The following GCH1 variants were observed in gnomAD, a reference collection of about 807,000 sequenced individuals.
The protein encoded by GCH1 is GTP cyclohydrolase 1.
GCH1 carries 5 observed loss-of-function variants against 25.9 expected under a neutral mutation model. The ratio of observed to expected loss-of-function variants is 0.19; its 90% CI spans 0.10 to 0.41. GCH1 has a LOEUF of 0.41. Among genes scored for constraint, GCH1 ranks in the 10% least tolerant of loss-of-function variants. The pLI is 1.00. For missense variants in GCH1, 261 were observed against 336.5 expected, an observed-to-expected ratio of 0.78 and a Z score of 1.75; for synonymous variants, 159 against 129.6, an observed-to-expected ratio of 1.23 and a Z score of -1.54.
intron 1 of GCH1, chr14:54,885,337 T>C: frequency 4.0e-6 from 1 of 253,072 alleles, no homozygotes; most frequent in Non-Finnish European, 8.2e-6. Context: ...CCAGTCAAGA[T>C]CCACATTGCT....
chr14:54,895,862 G>C (rs1412949852), intron 1 of GCH1, among the ~76,000 whole-genome samples: 1 of 152,206 alleles, frequency 6.6e-6, no homozygotes, highest in African/African-American at 2.4e-5. Flanking sequence ...GTAGGGAATA[G>C]TACTAGGAAA....
rs528279134 is a variant in GCH1, at chr14:54,902,050, G to C, written c.343+271C>G. On this transcript the variant is annotated intron_variant, in intron 1 of 5. Transcript: ENST00000491895. ...GTCCACGCCCACCCGGGGCGTTCTAGGAGGGCTGCGCGCTGGGAGCGGGAA... is the reference window on the plus strand; with the variant it reads ...GTCCACGCCCACCCGGGGCGTTCTACGAGGGCTGCGCGCTGGGAGCGGGAA... Among the ~76,000 whole-genome samples, 4 of 152,266 alleles carry C rather than the reference G, an allele frequency of 2.6e-5. No homozygotes were observed. In the South Asian group the frequency reaches 8.3e-4, roughly 32 times the overall value.
chr14:54,902,310 G>A lies in GCH1; in HGVS notation c.343+11C>T, dbSNP rs954395660. The stretch of plus-strand genomic sequence containing the variant: ...CGCCCGCACGCTCTAGCAGCCCGCG[G>A]GCGCACTGACCTGAGATGGTCTCCT... On this transcript the variant is annotated intron_variant, in intron 1 of 5. Coordinates refer to ENST00000491895, the MANE Select transcript of GCH1 (RefSeq NM_000161.3). 1.2e-6 allele frequency: 2 copies of A among 1,611,504 alleles called. No individual in the cohort carries two copies. Among genetic ancestry groups the A allele is most frequent in the Admixed American group, 1.7e-5 (1 of 59,936 alleles).
intron 1 of GCH1, among the ~76,000 whole-genome samples, chr14:54,889,130 T>A (rs969413662): frequency 6.6e-6 from 1 of 152,170 alleles, no homozygotes; most frequent in Non-Finnish European, 1.5e-5. Context: ...AAGGGCAGAT[T>A]CTTTTTGATA....
chr14:54,902,197 G>A (rs1386221946), intron 1 of GCH1, 124 bp downstream of exon 1: 2 of 1,088,790 alleles, frequency 1.8e-6, no homozygotes, highest in Non-Finnish European at 2.7e-6. Flanking sequence ...GTTCGGAGGT[G>A]ACAGCGCCCG....
intron 3 of GCH1, among the ~76,000 whole-genome samples, chr14:54,851,979 G>C (rs1044970714): frequency 6.6e-6 from 1 of 152,176 alleles, no homozygotes; most frequent in Non-Finnish European, 1.5e-5. Flanking sequence ...TAGTAGAGAT[G>C]GTGTTTCACC....
In GCH1 at chr14:54,845,836, T is replaced by C. The variant is rs780672426; in HGVS notation, c.558A>G (p.Thr186=). ...CCGTGATTGCTACAGCAATTTGTTT[T>C]GTAAGGCGCTCCTGAACTGTGGATG... ...SRRLQVQERL[T]KQIAVAITEA... The change falls in exon 5 of 6, where the codon ACA becomes ACG. Residue 186 remains threonine (T), a synonymous_variant. Transcript: ENST00000491895. 2 of 1,604,314 alleles carry C rather than the reference T, an allele frequency of 1.2e-6. No homozygotes were observed. Among genetic ancestry groups the C allele is most frequent in the Non-Finnish European group, 1.7e-6 (2 of 1,171,134 alleles).
chr14:54,860,490 T>C (rs2039879511), intron 2 of GCH1, among the ~76,000 whole-genome samples: 1 of 151,848 alleles, frequency 6.6e-6, no homozygotes, highest in Admixed American at 6.6e-5. Context: ...CACACCCTTT[T>C]GTGCTTGGCT....
In GCH1 at chr14:54,880,376, TATATA is replaced by T. The variant is rs1034666938; in HGVS notation, c.344-14945_344-14941del. Among the ~76,000 whole-genome samples, 296 of 143,140 alleles carry T rather than the reference TATATA, an allele frequency of 2.1e-3. 1 individual carries two copies. The highest frequency in any genetic ancestry group is 7.6e-3 in the Middle Eastern group (2 of 264). 93.9% of individuals were successfully genotyped at this position (143,140 alleles called of 152,430 possible). A position where few individuals can be genotyped will look rare whatever the true frequency, so the allele number is the denominator to read the frequency against. ...AATATATTATAAAATATATATTTTATATATAATATAATATATATTATATAATACAT... is the reference window on the plus strand; with the variant it reads ...AATATATTATAAAATATATATTTTATATATAATATATATTATATAATACAT... On this transcript the variant is annotated intron_variant, in intron 1 of 5. Coordinates refer to ENST00000491895, the MANE Select transcript of GCH1 (RefSeq NM_000161.3).
intron 3 of GCH1, among the ~76,000 whole-genome samples, chr14:54,853,798 AAATT>A (rs1365868562): frequency 6.6e-6 from 1 of 152,134 alleles, no homozygotes; most frequent in East Asian, 1.9e-4. Flanking sequence ...CAGCTTCATC[AAATT>A]AATTGACACT....
At chr14:54,848,413 G>T (rs1454770699) in intron 3 of GCH1, among the ~76,000 whole-genome samples, 2 of 152,168 alleles carry the variant, frequency 1.3e-5, no homozygotes, top group Non-Finnish European at 2.9e-5. Context: ...AGGATTACAG[G>T]CGTGAGCCCC....
Position 54,842,897 on chromosome 14 carries a change from G to T in GCH1, c.*1120C>A. The T allele has an allele frequency of 1.7e-6, 1 of 589,630 alleles. No individual in the cohort carries two copies. The highest frequency in any genetic ancestry group is 2.6e-5 in the South Asian group (1 of 38,844). The allele number at this position is 589,630 out of a possible 1,614,324, so 36.5% of individuals were successfully genotyped here. A position where few individuals can be genotyped will look rare whatever the true frequency, so the allele number is the denominator to read the frequency against. On this transcript the variant is annotated 3_prime_UTR_variant, in exon 6 of 6. Transcript: ENST00000491895. The stretch of plus-strand genomic sequence containing the variant: ...TTACAATGAGGACAAGACCCACATA[G>T]ACCACAAAGGAAACCGGGACCAGAA...
intron 3 of GCH1, among the ~76,000 whole-genome samples, chr14:54,855,505 CAAA>C (rs764999718): frequency 1.9e-4 from 7 of 36,402 alleles, no homozygotes; most frequent in South Asian, 1.2e-3. Flanking sequence ...GACCCTGTCT[CAAA>C]AAAAAAAAAA....
chr14:54,842,987 C>CATA lies in GCH1; in HGVS notation c.*1027_*1029dup. Reference sequence around the variant, plus strand: ...TTTGGTTAAAACGTTGGACACAGCTCATAATGTCTTCCACCGTCAGTTCAT... The same window carrying CATA: ...TTTGGTTAAAACGTTGGACACAGCTCATAATAATGTCTTCCACCGTCAGTTCAT... On this transcript the variant is annotated 3_prime_UTR_variant, in exon 6 of 6. Coordinates refer to ENST00000491895, the MANE Select transcript of GCH1 (RefSeq NM_000161.3). The CATA allele has an allele frequency of 1.3e-6, 1 of 776,450 alleles. No homozygotes were observed. Among genetic ancestry groups the CATA allele is most frequent in the Admixed American group, 1.8e-5 (1 of 55,884 alleles). 48.1% of individuals were successfully genotyped at this position (776,450 alleles called of 1,614,324 possible).
chr14:54,867,208 A>G (rs2039999790), intron 1 of GCH1, among the ~76,000 whole-genome samples: 1 of 152,208 alleles, frequency 6.6e-6, no homozygotes, highest in Non-Finnish European at 1.5e-5. Context: ...TTTCTCTGGC[A>G]AAGAATGAGA....
chr14:54,891,091 T>C (rs2040416390), intron 1 of GCH1, among the ~76,000 whole-genome samples: 1 of 147,960 alleles, frequency 6.8e-6, no homozygotes, highest in Non-Finnish European at 1.5e-5. Flanking sequence ...AATAGACAAT[T>C]CATAAGGTTT....
intron 4 of GCH1, 125 bp downstream of exon 4, chr14:54,846,974 G>A: frequency 2.1e-6 from 1 of 471,606 alleles, no homozygotes; most frequent in South Asian, 2.2e-5. Flanking sequence ...AGGCTGCAGT[G>A]AGCCGAGATT....
intron 1 of GCH1, among the ~76,000 whole-genome samples, chr14:54,895,621 A>G (rs1311637714): frequency 2.0e-5 from 3 of 152,214 alleles, no homozygotes; most frequent in African/African-American, 7.2e-5. Flanking sequence ...AATAGTGGAA[A>G]TACAGGAAAG....
rs567133226 is a variant in GCH1 at position 54,860,628 on chromosome 14, C to A, written c.454-892G>T. Among the ~76,000 whole-genome samples the A allele has an allele frequency of 1.1e-3, 169 of 151,684 alleles. 1 individual carries two copies. The highest frequency in any genetic ancestry group is 4.0e-3 in the African/African-American group (165 of 41,302). ...CAGTCTTGGCTCACTGCAAGCTCCG[C>A]CTCCAAGGTTCAAGCAATTCCCCTG... is the stretch of plus-strand genomic sequence containing the variant. On this transcript the variant is annotated intron_variant, in intron 2 of 5. Coordinates refer to ENST00000491895, the MANE Select transcript of GCH1 (RefSeq NM_000161.3).
Sources: allele counts gnomAD v4.1 joint callset (sites outside exome capture counted in the v4.1 genomes callset), GRCh38; gene constraint gnomAD v4.1.1; transcripts MANE v1.5; gene names NCBI Gene and HGNC (gene_info 2026-07-23, HGNC 2026-07-21).